The following NAV3 variants were observed in gnomAD, a reference collection of about 807,000 sequenced individuals.
NAV3 encodes neuron navigator 3, also known as pore membrane and/or filament interacting like protein 1.
A neutral mutation model predicts 244.7 loss-of-function variants in NAV3; 87 were observed. The ratio of observed to expected loss-of-function variants is 0.36; its 90% CI spans 0.30 to 0.42. The LOEUF (loss-of-function observed/expected upper bound fraction) is 0.42. NAV3 is among the 20% of genes least tolerant of loss of function. The pLI is 1.00. For synonymous variants in NAV3, 1,126 were observed against 1,042.2 expected, an observed-to-expected ratio of 1.08 and a Z score of -1.55; for missense variants, 2,663 against 2,893.3, an observed-to-expected ratio of 0.92 and a Z score of 1.83.
chr12:78,129,315 G>T (rs577119040), intron 18 of NAV3, among the ~76,000 whole-genome samples: 6 of 152,170 alleles, frequency 3.9e-5, no homozygotes, highest in African/African-American at 1.4e-4. Context: ...GTAATCTTTT[G>T]TAGAAAATAG....
chr12:77,594,822 A>G (rs1316781703), intron 2 of NAV3, among the ~76,000 whole-genome samples: 1 of 152,204 alleles, frequency 6.6e-6, no homozygotes, highest in African/African-American at 2.4e-5. Flanking sequence ...AAATTTCAGT[A>G]GGTAAATCTC....
At chr12:77,938,341 A>C (rs1235797025) in intron 1 of NAV3, among the ~76,000 whole-genome samples, 1 of 152,160 alleles carries the variant, frequency 6.6e-6, no homozygotes, top group Non-Finnish European at 1.5e-5. Context: ...CCACCTAAAA[A>C]TCATGTATTT....
intron 2 of NAV3, among the ~76,000 whole-genome samples, chr12:77,653,985 C>T (rs1260530275): frequency 1.3e-5 from 2 of 152,100 alleles, no homozygotes; most frequent in Non-Finnish European, 2.9e-5. Flanking sequence ...CCAAGATGGC[C>T]GGATAGGAAC....
chr12:77,925,693 T>A (rs1281050149), intron 1 of NAV3, among the ~76,000 whole-genome samples: 1 of 152,064 alleles, frequency 6.6e-6, no homozygotes, highest in Non-Finnish European at 1.5e-5. Flanking sequence ...GTCTTGCAGG[T>A]ATGTGGATCT....
At chr12:77,585,838 T>G (rs1227555479) in intron 2 of NAV3, among the ~76,000 whole-genome samples, 1 of 152,142 alleles carries the variant, frequency 6.6e-6, no homozygotes, top group Non-Finnish European at 1.5e-5. Flanking sequence ...TTTCTGTCTC[T>G]TTACCTCTGA....
intron 2 of NAV3, among the ~76,000 whole-genome samples, chr12:77,747,846 A>G (rs1048846811): frequency 1.3e-5 from 2 of 152,054 alleles, no homozygotes; most frequent in Middle Eastern, 3.2e-3. Flanking sequence ...GAACACATGG[A>G]CACAGGAAGG....
intron 2 of NAV3, among the ~76,000 whole-genome samples, chr12:77,749,237 A>G (rs780220520): frequency 1.3e-5 from 2 of 152,256 alleles, no homozygotes; most frequent in Admixed American, 6.5e-5. Flanking sequence ...ACAGAGTCCA[A>G]TGAACAGAAA....
chr12:77,960,742 T>C (rs1891831626), intron 3 of NAV3, among the ~76,000 whole-genome samples: 2 of 147,524 alleles, frequency 1.4e-5, no homozygotes, highest in Non-Finnish European at 3.0e-5. Context: ...ATGTATCATG[T>C]ATATAATATA....
At chr12:77,620,946 T>C (rs1871346721) in intron 2 of NAV3, among the ~76,000 whole-genome samples, 1 of 152,204 alleles carries the variant, frequency 6.6e-6, no homozygotes, top group Non-Finnish European at 1.5e-5. Flanking sequence ...GGTGACATTG[T>C]GGTAAAAATT....
chr12:77,619,104 ATTC>A (rs34174583), intron 2 of NAV3, among the ~76,000 whole-genome samples: 13,948 of 152,206 alleles, frequency 0.092, 1,654 homozygotes, highest in African/African-American at 0.28. Context: ...TTAGCATAAT[ATTC>A]TTCTTTCATA....
Position 77,885,157 on chromosome 12 carries a change from C to T in NAV3, c.243+53453C>T, listed in dbSNP as rs945281038. 3.3e-5 allele frequency among the ~76,000 whole-genome samples: 5 copies of T among 152,048 alleles called. No individual in the cohort carries two copies. The East Asian group carries it at 9.7e-4, about 29-fold the overall frequency. Reference sequence around the variant, plus strand: ...ATTTATCTTGAAAGCGAAATTATTCCTATATGGGTTAAGCAATTAAAATGT... The same window carrying T: ...ATTTATCTTGAAAGCGAAATTATTCTTATATGGGTTAAGCAATTAAAATGT... On this transcript the variant is annotated intron_variant, in intron 1 of 39. Coordinates refer to ENST00000397909, the MANE Select transcript of NAV3 (RefSeq NM_001024383.2).
Position 78,210,896 on chromosome 12 carries a change from AG to A in NAV3, c.*383del. The A allele has an allele frequency of 4.6e-6, 1 of 216,132 alleles. No homozygotes were observed. Among genetic ancestry groups the A allele is most frequent in the Non-Finnish European group, 9.2e-6 (1 of 108,110 alleles). The allele number at this position is 216,132 out of a possible 1,614,324, so 13.4% of individuals were successfully genotyped here. On this transcript the variant is annotated 3_prime_UTR_variant, in exon 40 of 40. Coordinates refer to ENST00000397909, the MANE Select transcript of NAV3 (RefSeq NM_001024383.2). ...TTGTCCCTTCCTTTTGTTTCCTCTG[AG>A]GGGCTGTTCGCCCCAGGCAGGGTCC...
intron 34 of NAV3, among the ~76,000 whole-genome samples, chr12:78,194,425 A>C (rs1226198557): frequency 6.6e-6 from 1 of 152,006 alleles, no homozygotes; most frequent in Non-Finnish European, 1.5e-5. Context: ...GGAACATAGA[A>C]TATCTTTTCA....
intron 2 of NAV3, among the ~76,000 whole-genome samples, chr12:77,613,421 G>T (rs951268394): frequency 2.0e-5 from 3 of 152,160 alleles, no homozygotes; most frequent in Non-Finnish European, 4.4e-5. Flanking sequence ...GAAATGAAGA[G>T]TTAGCAGCAG....
intron 1 of NAV3, among the ~76,000 whole-genome samples, chr12:77,929,408 A>G (rs1481569352): frequency 1.3e-5 from 2 of 152,146 alleles, no homozygotes; most frequent in Admixed American, 6.5e-5. Context: ...ATAAGCTATA[A>G]GCCAGTCTTT....
chr12:78,152,085 C>T (rs1045930899), intron 22 of NAV3, among the ~76,000 whole-genome samples: 3 of 151,318 alleles, frequency 2.0e-5, no homozygotes, highest in African/African-American at 4.8e-5. Context: ...AACCTTAATC[C>T]TCTCTTTAGT....
chr12:77,789,271 G>A (rs1871058339), intron 2 of NAV3, among the ~76,000 whole-genome samples: 1 of 151,016 alleles, frequency 6.6e-6, no homozygotes, highest in East Asian at 2.0e-4. Context: ...TTTAACAGCT[G>A]CCTCCTCCCT....
intron 2 of NAV3, among the ~76,000 whole-genome samples, chr12:77,680,283 T>C (rs1398589544): frequency 6.6e-6 from 1 of 152,100 alleles, no homozygotes; most frequent in African/African-American, 2.4e-5. Context: ...TGTACTTTTT[T>C]CCCAACCTAA....
At chr12:78,209,663 G>T (rs1339442425) in intron 39 of NAV3, among the ~76,000 whole-genome samples, 3 of 151,986 alleles carry the variant, frequency 2.0e-5, no homozygotes, top group Non-Finnish European at 4.4e-5. Context: ...TTCTCCCCAG[G>T]TGCTTTCATG....
Sources: allele counts gnomAD v4.1 joint callset (sites outside exome capture counted in the v4.1 genomes callset), GRCh38; gene constraint gnomAD v4.1.1; transcripts MANE v1.5; gene names NCBI Gene and HGNC (gene_info 2026-07-23, HGNC 2026-07-21).